SYT2: variants seen among roughly 807,000 people sequenced by gnomAD.
The protein encoded by SYT2 is synaptotagmin-2.
In SYT2, 15 loss-of-function variants were observed where a neutral mutation model predicts 39.9. That is an observed-to-expected ratio of 0.38 (90% CI 0.25 to 0.58). The LOEUF (loss-of-function observed/expected upper bound fraction) is 0.58, where lower values mean the gene tolerates loss of function less well. Among genes scored for constraint, SYT2 ranks in the 20% least tolerant of loss-of-function variants. SYT2 has a pLI of 0.70. For synonymous variants in SYT2, 181 were observed against 204.5 expected, an observed-to-expected ratio of 0.89 and a Z score of 0.98; for missense variants, 389 against 530.3, an observed-to-expected ratio of 0.73 and a Z score of 2.62.
intron 1 of SYT2, among the ~76,000 whole-genome samples, chr1:202,631,405 T>TTC (rs1691586625): frequency 6.6e-6 from 1 of 152,212 alleles, no homozygotes; most frequent in African/African-American, 2.4e-5. Flanking sequence ...GTTTCTAATG[T>TTC]TCTGCTGCAG....
Position 202,708,344 on chromosome 1 carries a change from G to T in SYT2, c.-18+1914C>A, listed in dbSNP as rs147092720. Among the ~76,000 whole-genome samples the T allele has an allele frequency of 3.7e-4, 57 of 152,156 alleles. No homozygotes were observed. In the East Asian group the frequency reaches 8.1e-3, roughly 22 times the overall value. Reference sequence around the variant, plus strand: ...CTTCCTCCAGGGAATGGTGGGCCAGGTCTATGTGAGGCTATAACCTAGAAA... The same window carrying T: ...CTTCCTCCAGGGAATGGTGGGCCAGTTCTATGTGAGGCTATAACCTAGAAA... On this transcript the variant is annotated intron_variant, in intron 1 of 8. Transcript: ENST00000367268.
At chr1:202,642,198 C>A (rs1429061930) in intron 1 of SYT2, among the ~76,000 whole-genome samples, 2 of 152,100 alleles carry the variant, frequency 1.3e-5, no homozygotes, top group Admixed American at 6.5e-5. Flanking sequence ...AGAATGGAAG[C>A]TTTCGGACTC....
chr1:202,650,435 C>CTTTTTTTTTTTTTTTTTTTT (rs68013997), intron 1 of SYT2, among the ~76,000 whole-genome samples: 1 of 143,264 alleles, frequency 7.0e-6, no homozygotes. Flanking sequence ...GTTTCATATG[C>CTTTTTTTTTTTTTTTTTTTT]TTTTGTTTTT....
chr1:202,648,584 C>A (rs1692134698), intron 1 of SYT2, among the ~76,000 whole-genome samples: 1 of 152,118 alleles, frequency 6.6e-6, no homozygotes, highest in Non-Finnish European at 1.5e-5. Context: ...GGCAAGGCAT[C>A]CAGGATGGGT....
intron 1 of SYT2, among the ~76,000 whole-genome samples, chr1:202,648,713 T>A (rs867314): frequency 0.41 from 61,992 of 152,040 alleles, 13,534 homozygotes; most frequent in East Asian, 0.74. Flanking sequence ...CCCTGGGGGA[T>A]AAACTTGAAC....
intron 5 of SYT2, 92 bp from the exon 6 acceptor site, chr1:202,602,149 G>T (rs1261837698): frequency 1.4e-6 from 2 of 1,455,972 alleles, no homozygotes; most frequent in African/African-American, 1.4e-5. Context: ...AGCCCACAGG[G>T]TCCAGGTTAG....
rs1179461010 is a variant in SYT2 at position 202,604,631 on chromosome 1, C to T, written c.179-10G>A. The T allele has an allele frequency of 6.2e-7, 1 of 1,612,582 alleles. No individual in the cohort carries two copies. Among genetic ancestry groups the T allele is most frequent in the Admixed American group, 1.7e-5 (1 of 59,890 alleles). ...AGTGCCCAGGGTGGTACTGCCCACA[C>T]AGAGAAGATCCCAGGGTCAGCAGTG... is the stretch of plus-strand genomic sequence containing the variant. On this transcript the variant is annotated splice_polypyrimidine_tract_variant and intron_variant, in intron 2 of 8. Transcript: ENST00000367268.
chr1:202,644,389 G>T lies in SYT2; in HGVS notation c.-17-38600C>A, dbSNP rs117928424. ...CTGACACCCACGGTGAGCACCAGGA[G>T]GGGCAGGGAGGACCGAGAGCCTGGG... On this transcript the variant is annotated intron_variant, in intron 1 of 8. Transcript: ENST00000367268. Among the ~76,000 whole-genome samples, 425 of 152,274 alleles carry T rather than the reference G, an allele frequency of 2.8e-3. 19 individuals are homozygous for T. In the East Asian group the frequency reaches 0.072, roughly 26 times the overall value.
intron 1 of SYT2, among the ~76,000 whole-genome samples, chr1:202,664,301 T>C (rs1406639765): frequency 6.6e-6 from 1 of 152,190 alleles, no homozygotes; most frequent in African/African-American, 2.4e-5. Flanking sequence ...CCATCCTTCT[T>C]GGGTTTCCTG....
Position 202,692,941 on chromosome 1 carries a change from A to C in SYT2, c.-18+17317T>G, listed in dbSNP as rs115799328. Among the ~76,000 whole-genome samples, 323 of 152,308 alleles carry C rather than the reference A, an allele frequency of 2.1e-3. 2 individuals are homozygous for C. Among genetic ancestry groups the C allele is most frequent in the African/African-American group, 7.2e-3 (299 of 41,560 alleles). On this transcript the variant is annotated intron_variant, in intron 1 of 8. Coordinates refer to ENST00000367268, the MANE Select transcript of SYT2 (RefSeq NM_177402.5). The stretch of plus-strand genomic sequence containing the variant: ...ATTATTGAAAAAGAAAGAGGAGGTT[A>C]ATAAGGCAGGAGAAGGAGGGGGAGG...
chr1:202,689,248 C>A (rs1465875886), intron 1 of SYT2, among the ~76,000 whole-genome samples: 1 of 152,186 alleles, frequency 6.6e-6, no homozygotes, highest in Non-Finnish European at 1.5e-5. Flanking sequence ...AGCCCACCAC[C>A]TCACATGTGC....
At position 202,628,280 on chromosome 1, in the gene SYT2, C is replaced by T. The variant is rs1233643184; in HGVS notation, c.-17-22491G>A. Among the ~76,000 whole-genome samples the T allele has an allele frequency of 6.6e-6, 1 of 152,108 alleles. No homozygotes were observed. Among genetic ancestry groups the T allele is most frequent in the Non-Finnish European group, 1.5e-5 (1 of 68,032 alleles). On this transcript the variant is annotated intron_variant, in intron 1 of 8. Transcript: ENST00000367268. The surrounding 1 kb of genome is among the most constrained non-coding windows in gnomAD (Gnocchi z 4.2). ...CCAGAGGATGGAAAGAGCTGTACTC[C>T]CAGGTAGCAGAGCAGCTCGCTTTGG...
chr1:202,596,998 G>A, intron 8 of SYT2, 35 bp from the exon 9 acceptor site: 1 of 1,590,814 alleles, frequency 6.3e-7, no homozygotes, highest in Non-Finnish European at 8.6e-7. Context: ...TTGGCAGACA[G>A]AGACGTGGGA....
At chr1:202,629,385 T>C (rs1691507714) in intron 1 of SYT2, among the ~76,000 whole-genome samples, 2 of 152,192 alleles carry the variant, frequency 1.3e-5, no homozygotes, top group South Asian at 4.1e-4. Flanking sequence ...TCAGCAGCCA[T>C]GGCTTCTCCA....
At chr1:202,608,252 C>T (rs998907005) in intron 1 of SYT2, among the ~76,000 whole-genome samples, 3 of 151,674 alleles carry the variant, frequency 2.0e-5, no homozygotes, top group Non-Finnish European at 4.4e-5. Flanking sequence ...TTTTTATTGC[C>T]ACATAGTATT....
At chr1:202,616,689 C>G (rs568699915) in intron 1 of SYT2, among the ~76,000 whole-genome samples, 22 of 152,200 alleles carry the variant, frequency 1.4e-4, no homozygotes, top group Non-Finnish European at 2.8e-4. Context: ...TTGAGCTGGA[C>G]CCCTGAGCTG....
At chr1:202,606,536 C>A (rs1423124009) in intron 1 of SYT2, among the ~76,000 whole-genome samples, 2 of 152,196 alleles carry the variant, frequency 1.3e-5, no homozygotes, top group South Asian at 2.1e-4. Context: ...CTCCTCAGCT[C>A]TCTGCGGTTT....
chr1:202,618,845 C>T (rs186105528), intron 1 of SYT2, among the ~76,000 whole-genome samples: 92 of 152,282 alleles, frequency 6.0e-4, no homozygotes, highest in Non-Finnish European at 1.0e-3. Context: ...ATGTGACCCC[C>T]TGTCACCTGG....
At chr1:202,677,891 G>A (rs1653416315) in intron 1 of SYT2, among the ~76,000 whole-genome samples, 2 of 152,166 alleles carry the variant, frequency 1.3e-5, no homozygotes, top group Admixed American at 6.5e-5. Context: ...TTTTTATAAA[G>A]AAGAATGTGT....
Sources: gnomAD v4.1 joint callset for allele counts (sites outside exome capture counted in the v4.1 genomes callset) on GRCh38, gnomAD v4.1.1 for gene constraint, Gnocchi (gnomAD v3.1) non-coding constraint, MANE v1.5 for transcripts, NCBI Gene and HGNC (gene_info 2026-07-23, HGNC 2026-07-21) for gene names.